Variants in UNC13C observed in about 807,000 individuals in gnomAD.
UNC13C encodes the protein unc-13 homolog C.
In UNC13C, 174 loss-of-function variants were observed where a neutral mutation model predicts 245.4. The ratio of observed to expected loss-of-function variants is 0.71; its 90% CI spans 0.63 to 0.80. The LOEUF is 0.80. Among genes scored for constraint, UNC13C ranks in the 30% least tolerant of loss-of-function variants. The probability of loss-of-function intolerance (pLI) is 0.00; values close to 1 mark genes in which losing one functional copy is unlikely to be tolerated. For missense variants in UNC13C, 2,829 were observed against 2,602.9 expected (o/e 1.09, Z -1.89); for synonymous variants, 992 against 895.1 (o/e 1.11, Z -1.93).
At chr15:54,000,369 T>A (rs1894831441) in intron 1 of UNC13C, among the ~76,000 whole-genome samples, 1 of 152,128 alleles carries the variant, frequency 6.6e-6, no homozygotes, top group South Asian at 2.1e-4. Context: ...GGCTAAGCAT[T>A]GTAACTATTC....
intron 4 of UNC13C, among the ~76,000 whole-genome samples, chr15:54,202,236 C>A (rs1408930951): frequency 1.3e-5 from 2 of 151,842 alleles, no homozygotes; most frequent in Non-Finnish European, 2.9e-5. Context: ...TGAAAAGGAC[C>A]ATACTGCCAA....
In UNC13C at chr15:54,172,481, G is replaced by T. The variant is rs2033436472; in HGVS notation, c.3071+28797G>T. Among the ~76,000 whole-genome samples the T allele has an allele frequency of 2.0e-5, 3 of 151,388 alleles. No homozygotes were observed. The South Asian group carries it at 6.2e-4, about 32-fold the overall frequency. On this transcript the variant is annotated intron_variant, in intron 4 of 32. Coordinates refer to ENST00000260323, the MANE Select transcript of UNC13C (RefSeq NM_001080534.3). Reference sequence around the variant, plus strand: ...CTTTGGCTCTAGCTCCTTTAGCTCAGCATAACGTGGTTGAATGTATTAGTA... The same window carrying T: ...CTTTGGCTCTAGCTCCTTTAGCTCATCATAACGTGGTTGAATGTATTAGTA...
chr15:54,335,849 A>G (rs953446783), intron 16 of UNC13C, among the ~76,000 whole-genome samples: 1 of 152,124 alleles, frequency 6.6e-6, no homozygotes, highest in Non-Finnish European at 1.5e-5. Context: ...TTGTAAACAT[A>G]TGTTTTTATG....
chr15:54,403,828 A>G (rs1322480171), intron 18 of UNC13C, among the ~76,000 whole-genome samples: 1 of 151,960 alleles, frequency 6.6e-6, no homozygotes, highest in African/African-American at 2.4e-5. Flanking sequence ...TAATGCCTTG[A>G]AACAGAAAGC....
At chr15:54,583,148 A>C (rs939389) in intron 30 of UNC13C, among the ~76,000 whole-genome samples, 1 of 151,722 alleles carries the variant, frequency 6.6e-6, no homozygotes, top group African/African-American at 2.4e-5. Flanking sequence ...CTCACGCCAC[A>C]CCATTCCTAT....
chr15:54,113,236 A>G (rs894664250), intron 2 of UNC13C, among the ~76,000 whole-genome samples: 1 of 152,170 alleles, frequency 6.6e-6, no homozygotes, highest in Non-Finnish European at 1.5e-5. Context: ...GAGGGAGGGA[A>G]GGAGAGAGAA....
At chr15:54,396,886 G>T (rs1456899912) in intron 18 of UNC13C, among the ~76,000 whole-genome samples, 1 of 149,408 alleles carries the variant, frequency 6.7e-6, no homozygotes, top group South Asian at 2.1e-4. Context: ...TCTTATTATT[G>T]TTAAGTTGTA....
intron 2 of UNC13C, among the ~76,000 whole-genome samples, chr15:54,040,594 C>G (rs1896769764): frequency 6.6e-6 from 1 of 152,128 alleles, no homozygotes; most frequent in Non-Finnish European, 1.5e-5. Flanking sequence ...TCAACAACTC[C>G]CTAGCTGTCA....
At chr15:53,965,433 A>T in the UNC13C span, among the ~76,000 whole-genome samples, 2 of 152,040 alleles carry the variant, frequency 1.3e-5, no homozygotes, top group Non-Finnish European at 2.9e-5. Flanking sequence ...TGGATGTTTA[A>T]ATTTACAATT....
intron 2 of UNC13C, 131 bp downstream of exon 2, chr15:54,016,017 G>GTAAAACAAAATGCTCCTCA: frequency 1.2e-6 from 1 of 802,918 alleles, no homozygotes; most frequent in Non-Finnish European, 1.9e-6. Flanking sequence ...TTTACTCTGA[G>GTAAAACAAAATGCTCCTCA]GAGCATTTTG....
intron 19 of UNC13C, among the ~76,000 whole-genome samples, chr15:54,446,237 G>C (rs1262633795): frequency 1.3e-5 from 2 of 152,132 alleles, no homozygotes; most frequent in South Asian, 4.1e-4. Context: ...GATGCCTCCA[G>C]CTTTATTCTT....
intron 4 of UNC13C, among the ~76,000 whole-genome samples, chr15:54,216,550 A>G (rs1037576515): frequency 9.9e-5 from 15 of 151,962 alleles, no homozygotes; most frequent in African/African-American, 3.6e-4. Context: ...CAGAACAGAC[A>G]TACTCCTTCC....
At chr15:54,139,542 A>G (rs2031911186) in intron 2 of UNC13C, among the ~76,000 whole-genome samples, 1 of 152,192 alleles carries the variant, frequency 6.6e-6, no homozygotes, top group Non-Finnish European at 1.5e-5. Context: ...TTTAACTTGT[A>G]TTATTACAAT....
chr15:54,223,014 A>T (rs112981750), intron 4 of UNC13C, among the ~76,000 whole-genome samples: 9,306 of 139,662 alleles, frequency 0.067, 1,003 homozygotes, highest in African/African-American at 0.23. Context: ...GCATGGATAG[A>T]TTGCAAATAT....
intron 2 of UNC13C, among the ~76,000 whole-genome samples, chr15:54,105,774 G>C (rs932868318): frequency 5.9e-5 from 9 of 152,326 alleles, no homozygotes; most frequent in South Asian, 2.1e-4. Flanking sequence ...GAGTATGTAA[G>C]TGGTGGTTTC....
chr15:54,220,544 T>C (rs1366713523), intron 4 of UNC13C, among the ~76,000 whole-genome samples: 1 of 151,698 alleles, frequency 6.6e-6, no homozygotes, highest in African/African-American at 2.4e-5. Flanking sequence ...CATGTATACA[T>C]ATGTAACTAA....
intron 2 of UNC13C, among the ~76,000 whole-genome samples, chr15:54,120,632 T>G (rs1270474574): frequency 2.0e-5 from 3 of 152,026 alleles, no homozygotes; most frequent in African/African-American, 7.2e-5. Context: ...ACATAGTGAT[T>G]TATCAGATGA....
At chr15:54,209,874 GAAAT>G (rs1348219208) in intron 4 of UNC13C, among the ~76,000 whole-genome samples, 1 of 152,060 alleles carries the variant, frequency 6.6e-6, no homozygotes, top group African/African-American at 2.4e-5. Flanking sequence ...CTATTAGGTT[GAAAT>G]AAATAAGATA....
chr15:54,072,704 A>G (rs1898387642), intron 2 of UNC13C, among the ~76,000 whole-genome samples: 1 of 152,158 alleles, frequency 6.6e-6, no homozygotes, highest in Non-Finnish European at 1.5e-5. Context: ...TCTTAGGAGA[A>G]TTTTGTCCTC....
Sources: allele counts gnomAD v4.1 joint callset (sites outside exome capture counted in the v4.1 genomes callset), GRCh38; gene constraint gnomAD v4.1.1; transcripts MANE v1.5; gene names NCBI Gene and HGNC (gene_info 2026-07-23, HGNC 2026-07-21).